Variants in SYNPO2 observed in about 807,000 individuals in gnomAD.
SYNPO2 encodes the protein synaptopodin 2, also known as synaptopodin-2.
Under a neutral mutation model 85.0 loss-of-function variants are expected in SYNPO2, and 56 were observed. That is an observed-to-expected ratio of 0.66 (90% confidence interval 0.53 to 0.82). The LOEUF is 0.82. Among genes scored for constraint, SYNPO2 ranks in the 40% least tolerant of loss-of-function variants. The pLI, the probability that SYNPO2 is intolerant of heterozygous loss-of-function variation, is 0.00. For missense variants in SYNPO2, 1,575 were observed against 1,534.2 expected (o/e 1.03, Z -0.44); for synonymous variants, 602 against 591.1 (o/e 1.02, Z -0.27).
At position 118,938,181 on chromosome 4, in the gene SYNPO2, G is replaced by A. The variant is rs576686036; in HGVS notation, c.105+49040G>A. Among the ~76,000 whole-genome samples the A allele has an allele frequency of 4.6e-5, 7 of 152,056 alleles. No homozygotes were observed. In the South Asian group the frequency reaches 8.3e-4, roughly 18 times the overall value. On this transcript the variant is annotated intron_variant, in intron 1 of 4. Coordinates refer to ENST00000307142, the MANE Select transcript of SYNPO2 (RefSeq NM_133477.3). ...TAGCCAGGCGGTAGGCTGTATAGCC[G>A]GGTGGCAGGAGTCTGCAGTCCCGGC...
Position 119,031,320 on chromosome 4 carries a change from C to T in SYNPO2, c.2545C>T (p.Pro849Ser), listed in dbSNP as rs767049854. The T allele has an allele frequency of 1.9e-6, 3 of 1,614,214 alleles. No homozygotes were observed. In the East Asian group the frequency reaches 6.7e-5, roughly 36 times the overall value. ...NYTPKPTVST[P>S]TVNAVQPGAV... is the part of the protein sequence containing the mutation. ...CACACCCAAACCAACAGTTTCCACACCAACAGTCAATGCTGTTCAGCCTGG... is the reference window on the plus strand; with the variant it reads ...CACACCCAAACCAACAGTTTCCACATCAACAGTCAATGCTGTTCAGCCTGG... The change falls in exon 4 of 5, where the codon CCA (proline) becomes TCA (serine). Residue 849 changes from proline (P) to serine (S), a missense_variant. This residue lies in a region of SYNPO2 where 1,508 missense variants were observed against 1,446.8 expected (regional missense o/e 1.04). Coordinates refer to ENST00000307142, the MANE Select transcript of SYNPO2 (RefSeq NM_133477.3).
chr4:119,031,877 T>G lies in SYNPO2; in HGVS notation c.3102T>G (p.Pro1034=). 1.9e-6 allele frequency: 3 copies of G among 1,614,206 alleles called. No individual in the cohort carries two copies. The highest frequency in any genetic ancestry group is 2.5e-6 in the Non-Finnish European group (3 of 1,180,038). The change falls in exon 4 of 5, where the codon CCT becomes CCG. Residue 1034 remains proline, a synonymous_variant. Transcript: ENST00000307142. The stretch of plus-strand genomic sequence containing the variant: ...CGGTACCAGCCTATACCTCTCCTCC[T>G]TCCTTCTTTGCAGAGGCCTCCTCAC... ...VYSVPAYTSP[P]SFFAEASSPV...
intron 1 of SYNPO2, among the ~76,000 whole-genome samples, chr4:118,948,648 A>G (rs1265573990): frequency 1.3e-5 from 2 of 152,146 alleles, no homozygotes; most frequent in African/African-American, 2.4e-5. Flanking sequence ...GCAGGCATCA[A>G]TTGCGAAGGA....
At chr4:118,916,216 A>G (rs1578546997) in intron 1 of SYNPO2, among the ~76,000 whole-genome samples, 1 of 150,438 alleles carries the variant, frequency 6.6e-6, no homozygotes, top group African/African-American at 2.4e-5. Flanking sequence ...TCTGTCATCC[A>G]GGCTGGAGTG....
At chr4:119,023,340 T>C (rs1184564735) in intron 1 of SYNPO2, 90 bp from the exon 2 acceptor site, 1 of 1,372,006 alleles carries the variant, frequency 7.3e-7, no homozygotes, top group African/African-American at 1.5e-5. Flanking sequence ...GGGCTGGTGT[T>C]ACTGTTGACA....
At chr4:118,874,569 T>A (rs917533956) in intron 1 of SYNPO2, among the ~76,000 whole-genome samples, 1 of 152,214 alleles carries the variant, frequency 6.6e-6, no homozygotes, top group African/African-American at 2.4e-5. Flanking sequence ...ATGGCTCTTT[T>A]TATAGCTGGA....
chr4:119,014,030 G>A (rs879419111), intron 1 of SYNPO2, among the ~76,000 whole-genome samples: 5 of 152,104 alleles, frequency 3.3e-5, no homozygotes, highest in Non-Finnish European at 7.4e-5. Flanking sequence ...ACTGTGTGAG[G>A]CTCAATTTTC....
At chr4:118,998,699 A>G (rs75885241) in intron 1 of SYNPO2, among the ~76,000 whole-genome samples, 8,002 of 152,222 alleles carry the variant, frequency 0.053, 692 homozygotes, top group African/African-American at 0.18. Flanking sequence ...ACTTCTCTGG[A>G]TCTCAGTTGT....
At chr4:119,012,393 T>TTTTTTTTA (rs1553946399) in intron 1 of SYNPO2, among the ~76,000 whole-genome samples, 30 of 130,824 alleles carry the variant, frequency 2.3e-4, no homozygotes, top group East Asian at 4.3e-4. Context: ...TTTTTTTTTT[T>TTTTTTTTA]ATTTTACTTT....
At chr4:118,860,322 C>T (rs1245960467) in intron 1 of SYNPO2, among the ~76,000 whole-genome samples, 1 of 152,110 alleles carries the variant, frequency 6.6e-6, no homozygotes, top group African/African-American at 2.4e-5. Flanking sequence ...CAGCTCACTG[C>T]AGCCTCGACC....
At chr4:118,856,370 C>T (rs1432528860) in intron 1 of SYNPO2, among the ~76,000 whole-genome samples, 1 of 152,092 alleles carries the variant, frequency 6.6e-6, no homozygotes, top group Non-Finnish European at 1.5e-5. Context: ...GAGATACATA[C>T]AGATTTATTA....
chr4:118,958,070 A>G (rs533249965), intron 1 of SYNPO2, among the ~76,000 whole-genome samples: 8 of 152,286 alleles, frequency 5.3e-5, no homozygotes, highest in African/African-American at 1.2e-4. Flanking sequence ...AGTTGTGCTC[A>G]TTTCTTAGCC....
intron 1 of SYNPO2, among the ~76,000 whole-genome samples, chr4:119,004,675 C>T (rs1424920329): frequency 1.4e-5 from 2 of 143,088 alleles, no homozygotes; most frequent in East Asian, 2.0e-4. Context: ...TGAATAGTGC[C>T]GCAATAAACA....
chr4:118,879,775 C>T (rs1003898902), intron 1 of SYNPO2, among the ~76,000 whole-genome samples: 3 of 152,128 alleles, frequency 2.0e-5, no homozygotes, highest in African/African-American at 4.8e-5. Flanking sequence ...TGGTCTTGGC[C>T]AGCAGTCAGG....
At chr4:118,933,554 A>G (rs538378321) in intron 1 of SYNPO2, among the ~76,000 whole-genome samples, 3 of 152,340 alleles carry the variant, frequency 2.0e-5, no homozygotes, top group African/African-American at 7.2e-5. Context: ...TTAATCACAT[A>G]TAAACATAGA....
At chr4:118,978,442 A>G (rs758437029) in intron 1 of SYNPO2, among the ~76,000 whole-genome samples, 4 of 152,232 alleles carry the variant, frequency 2.6e-5, no homozygotes, top group African/African-American at 4.8e-5. Context: ...TGGGTCTAGC[A>G]TTAATTTTTT....
chr4:118,981,208 A>C (rs1735995367), intron 1 of SYNPO2, among the ~76,000 whole-genome samples: 1 of 152,232 alleles, frequency 6.6e-6, no homozygotes, highest in Non-Finnish European at 1.5e-5. Flanking sequence ...AGGACAGCAC[A>C]GCGTGTGTTT....
intron 1 of SYNPO2, 89 bp from the exon 2 acceptor site, chr4:119,023,341 A>T: frequency 7.3e-7 from 1 of 1,376,486 alleles, no homozygotes; most frequent in South Asian, 1.5e-5. Flanking sequence ...GGCTGGTGTT[A>T]CTGTTGACAG....
intron 1 of SYNPO2, among the ~76,000 whole-genome samples, chr4:118,853,197 T>C (rs1045866480): frequency 6.6e-6 from 1 of 152,234 alleles, no homozygotes; most frequent in African/African-American, 2.4e-5. Context: ...ATTTGTATTT[T>C]CCTTTCAGCT....
Sources: allele counts gnomAD v4.1 joint callset (sites outside exome capture counted in the v4.1 genomes callset), GRCh38; gene constraint gnomAD v4.1.1; regional missense constraint gnomAD v4.1.1; transcripts MANE v1.5; gene names NCBI Gene and HGNC (gene_info 2026-07-23, HGNC 2026-07-21).